The following ANKRD11 variants were observed in gnomAD, a reference collection of about 807,000 sequenced individuals.
ANKRD11 encodes the protein ankyrin repeat domain-containing protein 11.
A neutral mutation model predicts 195.7 loss-of-function variants in ANKRD11; 17 were observed. The observed-to-expected ratio is 0.09, with a 90% CI of 0.06 to 0.13. The LOEUF is 0.13. Among genes scored for constraint, ANKRD11 ranks in the 10% least tolerant of loss-of-function variants. The pLI is 1.00. For missense variants in ANKRD11, 3,735 were observed against 3,566.1 expected (o/e 1.05, Z -1.21); for synonymous variants, 1,953 against 1,528.1 (o/e 1.28, Z -6.49).
chr16:89,386,010 G>A (rs1329345860), intron 2 of ANKRD11, among the ~76,000 whole-genome samples: 2 of 152,242 alleles, frequency 1.3e-5, no homozygotes, highest in Non-Finnish European at 2.9e-5. Context: ...CTCCCAGGTA[G>A]CTGGGACCAC....
At chr16:89,366,621 C>T (rs2039962022) in intron 2 of ANKRD11, among the ~76,000 whole-genome samples, 1 of 152,164 alleles carries the variant, frequency 6.6e-6, no homozygotes, top group African/African-American at 2.4e-5. Context: ...AAAAGGCTGC[C>T]ATCTTGCCTT....
chr16:89,387,683 A>G (rs990872933), intron 2 of ANKRD11, among the ~76,000 whole-genome samples: 1 of 144,948 alleles, frequency 6.9e-6, no homozygotes, highest in Non-Finnish European at 1.5e-5. Context: ...AAAAATAAAA[A>G]AAGAAAAAGA....
At chr16:89,441,782 A>AC (rs1555581872) in intron 1 of ANKRD11, among the ~76,000 whole-genome samples, 4 of 149,670 alleles carry the variant, frequency 2.7e-5, no homozygotes, top group Admixed American at 1.3e-4. Flanking sequence ...AAAAAAAAAA[A>AC]AAAAAAAAAA....
At chr16:89,375,496 G>C (rs2040383568) in intron 2 of ANKRD11, among the ~76,000 whole-genome samples, 1 of 151,448 alleles carries the variant, frequency 6.6e-6, no homozygotes, top group Admixed American at 6.6e-5. Flanking sequence ...TTTCACTCTT[G>C]TCGCCCGGGC....
At chr16:89,432,709 T>G (rs1488326284) in intron 1 of ANKRD11, among the ~76,000 whole-genome samples, 3 of 152,118 alleles carry the variant, frequency 2.0e-5, no homozygotes, top group Admixed American at 1.3e-4. Flanking sequence ...CCCATTCATA[T>G]TCTATCACGG....
At chr16:89,305,138 A>G (rs2036105122) in intron 4 of ANKRD11, 68 bp downstream of exon 4, 2 of 1,584,092 alleles carry the variant, frequency 1.3e-6, no homozygotes, top group Non-Finnish European at 1.7e-6. Flanking sequence ...GGGGCCAGGG[A>G]CGCCCTGCCT....
At chr16:89,455,016 G>T (rs28375474) in intron 1 of ANKRD11, among the ~76,000 whole-genome samples, 9 of 58,034 alleles carry the variant, frequency 1.6e-4, no homozygotes, top group African/African-American at 2.1e-4. Context: ...CCTGGGTGCT[G>T]TTAGGGTTCC....
At chr16:89,384,554 T>C (rs969191342) in intron 2 of ANKRD11, among the ~76,000 whole-genome samples, 1 of 144,722 alleles carries the variant, frequency 6.9e-6, no homozygotes, top group Non-Finnish European at 1.5e-5. Context: ...TGGGATGGGA[T>C]GGGAATGGGA....
At chr16:89,473,635 C>T (rs754137469) in intron 1 of ANKRD11, among the ~76,000 whole-genome samples, 29 of 152,214 alleles carry the variant, frequency 1.9e-4, no homozygotes, top group Non-Finnish European at 3.4e-4. Flanking sequence ...CGCTCTCCCA[C>T]AGACTGATAC....
At chr16:89,445,722 C>T (rs933525607) in intron 1 of ANKRD11, among the ~76,000 whole-genome samples, 1 of 152,136 alleles carries the variant, frequency 6.6e-6, no homozygotes, top group Non-Finnish European at 1.5e-5. Context: ...CGCCTATAGT[C>T]CCAGCACTTT....
rs142516526 is a variant in ANKRD11, at chr16:89,486,617, A to G, written c.-145+3628T>C. On this transcript the variant is annotated intron_variant, in intron 1 of 12. Transcript: ENST00000301030. ...GCCCAACTGAGGAAAGGCAAGGCCA[A>G]CGCAGCCAGAATGACTGGAAGCTTG... Among the ~76,000 whole-genome samples, 6 of 152,328 alleles carry G rather than the reference A, an allele frequency of 3.9e-5. No homozygotes were observed. In the East Asian group the frequency reaches 1.2e-3, roughly 29 times the overall value.
In ANKRD11 at chr16:89,285,383, C is replaced by G. The variant is rs921955964; in HGVS notation, c.1159G>C (p.Glu387Gln). The G allele has an allele frequency of 2.5e-6, 4 of 1,613,980 alleles. No individual in the cohort carries two copies. The African/African-American group carries it at 4.0e-5, about 16-fold the overall frequency. Residue 387 changes from glutamate (E) to glutamine (Q), a missense_variant, in exon 9 of 13, where the codon GAG becomes CAG. Coordinates refer to ENST00000301030, the MANE Select transcript of ANKRD11 (RefSeq NM_013275.6). The surrounding 1 kb of genome is among the most constrained non-coding windows in gnomAD (Gnocchi z 5.6). ...SNSFISIPKM[E>Q]VKSYTKNNTI... Reference sequence around the variant, plus strand: ...TTATTTTTAGTGTAACTTTTAACCTCCATTTTGGGTATAGAGATAAAACTA... The same window carrying G: ...TTATTTTTAGTGTAACTTTTAACCTGCATTTTGGGTATAGAGATAAAACTA...
chr16:89,335,088 C>T (rs1197984931), intron 2 of ANKRD11, among the ~76,000 whole-genome samples: 1 of 152,212 alleles, frequency 6.6e-6, no homozygotes, highest in Non-Finnish European at 1.5e-5. Flanking sequence ...ACGACTAACA[C>T]TGATTGCTGA....
At chr16:89,335,442 A>C (rs1041672599) in intron 2 of ANKRD11, among the ~76,000 whole-genome samples, 1 of 152,238 alleles carries the variant, frequency 6.6e-6, no homozygotes, top group Non-Finnish European at 1.5e-5. Flanking sequence ...CCTGAGCTTC[A>C]GGATGAGTGG....
intron 1 of ANKRD11, among the ~76,000 whole-genome samples, chr16:89,428,502 G>A (rs1385360485): frequency 1.3e-5 from 2 of 152,170 alleles, no homozygotes; most frequent in Non-Finnish European, 2.9e-5. Context: ...TCCAGCCTGG[G>A]TGACAGAGCG....
At chr16:89,489,872 A>C (rs1597580171) in intron 1 of ANKRD11, among the ~76,000 whole-genome samples, 2 of 60,356 alleles carry the variant, frequency 3.3e-5, no homozygotes, top group African/African-American at 6.7e-5. Flanking sequence ...TCGGCCCCTC[A>C]GAGCCGCCGC....
At chr16:89,286,748 CAT>C (rs1390248445) in intron 7 of ANKRD11, 1 of 1,286,846 alleles carries the variant, frequency 7.8e-7, no homozygotes, top group East Asian at 5.5e-5. Context: ...AGGGTGGTCA[CAT>C]GACTGACAGA....
chr16:89,349,450 A>G (rs971192755), intron 2 of ANKRD11, among the ~76,000 whole-genome samples: 3 of 152,202 alleles, frequency 2.0e-5, no homozygotes, highest in African/African-American at 7.2e-5. Flanking sequence ...ACTGCACTCC[A>G]GCCTGGGCGA....
intron 1 of ANKRD11, among the ~76,000 whole-genome samples, chr16:89,424,041 C>T (rs898489153): frequency 1.3e-5 from 2 of 151,964 alleles, no homozygotes; most frequent in Non-Finnish European, 2.9e-5. Context: ...CCATAGTACT[C>T]GACCAGTGAG....
Sources: allele counts gnomAD v4.1 joint callset (sites outside exome capture counted in the v4.1 genomes callset), GRCh38; gene constraint gnomAD v4.1.1; non-coding constraint Gnocchi (gnomAD v3.1); transcripts MANE v1.5; gene names NCBI Gene and HGNC (gene_info 2026-07-23, HGNC 2026-07-21).